TTBK2: variants seen among roughly 807,000 people sequenced by gnomAD.
The protein encoded by TTBK2 is tau tubulin kinase 2, also known as tau-tubulin kinase 2.
In TTBK2, 28 loss-of-function variants were observed where a neutral mutation model predicts 110.8. The ratio of observed to expected loss-of-function variants is 0.25; its 90% CI spans 0.19 to 0.35. The LOEUF (loss-of-function observed/expected upper bound fraction) is 0.35. Ranked by LOEUF, TTBK2 falls within the 10% of genes least tolerant of loss-of-function variation. TTBK2 has a pLI of 1.00. For synonymous variants in TTBK2, 532 were observed against 527.3 expected (o/e 1.01, Z -0.12); for missense variants, 1,369 against 1,500.3 (o/e 0.91, Z 1.45).
chr15:42,896,571 G>A (rs893992001), intron 1 of TTBK2, among the ~76,000 whole-genome samples: 2 of 152,080 alleles, frequency 1.3e-5, no homozygotes, highest in African/African-American at 2.4e-5. Flanking sequence ...ACTATCGCTG[G>A]AGGCCAGGAG....
intron 10 of TTBK2, among the ~76,000 whole-genome samples, chr15:42,792,868 T>G (rs913770399): frequency 6.6e-6 from 1 of 152,228 alleles, no homozygotes; most frequent in Non-Finnish European, 1.5e-5. Context: ...TTTGTTATTC[T>G]GTGTTATTTT....
At chr15:42,795,910 G>A (rs186545746) in intron 9 of TTBK2, among the ~76,000 whole-genome samples, 343 of 152,020 alleles carry the variant, frequency 2.3e-3, no homozygotes, top group Non-Finnish European at 3.7e-3. Context: ...AAACAGGGAT[G>A]GGAATGAGGG....
chr15:42,810,882 T>A, intron 8 of TTBK2, 143 bp from the exon 9 acceptor site: 1 of 924,778 alleles, frequency 1.1e-6, no homozygotes, highest in Non-Finnish European at 1.7e-6. Flanking sequence ...GAGCTCTTAC[T>A]AACAGCTTAA....
intron 3 of TTBK2, chr15:42,857,365 A>T (rs1024378170): frequency 2.6e-5 from 4 of 152,208 alleles, no homozygotes; most frequent in East Asian, 1.9e-4. Flanking sequence ...AAATTTTTTT[A>T]AAAAATTAGT....
In TTBK2 at chr15:42,740,330, C is replaced by G. The variant is rs1454425404; in HGVS notation, c.*5465G>C. The G allele has an allele frequency of 1.3e-5, 2 of 152,188 alleles. No homozygotes were observed. The highest frequency in any genetic ancestry group is 2.9e-5 in the Non-Finnish European group (2 of 68,042). The allele number at this position is 152,188 out of a possible 1,614,324, so 9.4% of individuals were successfully genotyped here. ...GATCCAGCAAAGTCTAAGGAAATAT[C>G]CTAATCATTACTGTGTAATGTTACT... On this transcript the variant is annotated 3_prime_UTR_variant, in exon 15 of 15. Transcript: ENST00000267890.
chr15:42,773,968 G>T (rs1323776670), intron 13 of TTBK2, among the ~76,000 whole-genome samples: 1 of 152,152 alleles, frequency 6.6e-6, no homozygotes, highest in Non-Finnish European at 1.5e-5. Flanking sequence ...TTTGTTTCCT[G>T]GCTAGATTCC....
chr15:42,919,684 G>T, intron 1 of TTBK2: 1 of 410,752 alleles, frequency 2.4e-6, no homozygotes, highest in Non-Finnish European at 3.3e-6. Context: ...CGATGAGAGA[G>T]AAGAGTTAAT....
Position 42,791,456 on chromosome 15 carries a change from A to C in TTBK2, c.980+3188T>G, listed in dbSNP as rs370655963. ...TTCAATTTGCATTACCTTCTCTCTA[A>C]CTCTTTTGAATTATCTCATTTTCAT... On this transcript the variant is annotated intron_variant, in intron 10 of 14. Coordinates refer to ENST00000267890, the MANE Select transcript of TTBK2 (RefSeq NM_173500.4). Among the ~76,000 whole-genome samples, 29 of 151,116 alleles carry C rather than the reference A, an allele frequency of 1.9e-4. No individual in the cohort carries two copies. The East Asian group carries it at 3.5e-3, about 18-fold the overall frequency.
Position 42,815,958 on chromosome 15 carries a change from A to AATATATATATATATATAT in TTBK2, c.603+1056_603+1073dup, listed in dbSNP as rs1555427628. ...TATATATATATATATTTAAAAAAAA[A>AATATATATATATATATAT]ATATATATATATATATATATTTGAG... On this transcript the variant is annotated intron_variant, in intron 7 of 14. Transcript: ENST00000267890. 3.0e-3 allele frequency among the ~76,000 whole-genome samples: 277 copies of AATATATATATATATATAT among 91,668 alleles called. 7 individuals carry two copies. Among genetic ancestry groups the AATATATATATATATATAT allele is most frequent in the African/African-American group, 4.5e-3 (73 of 16,134 alleles). 60.1% of individuals were successfully genotyped at this position (91,668 alleles called of 152,430 possible). A position where few individuals can be genotyped will look rare whatever the true frequency, so the allele number is the denominator to read the frequency against.
chr15:42,776,879 T>C (rs1413016833), intron 12 of TTBK2, 152 bp downstream of exon 12: 1 of 693,028 alleles, frequency 1.4e-6, no homozygotes, highest in Non-Finnish European at 2.4e-6. Flanking sequence ...TGGATGAAAA[T>C]TGGAGCTGAA....
In TTBK2 at chr15:42,867,248, A is replaced by C. The variant is rs188989683; in HGVS notation, c.217+5363T>G. ...GTGACAGAGGGAGACTCCGTCTCAAAAAAAAAAAAAAAGAAAAGAAAAGAA... is the reference window on the plus strand; with the variant it reads ...GTGACAGAGGGAGACTCCGTCTCAACAAAAAAAAAAAAGAAAAGAAAAGAA... On this transcript the variant is annotated intron_variant, in intron 3 of 14. Transcript: ENST00000267890. Among the ~76,000 whole-genome samples, 285 of 147,836 alleles carry C rather than the reference A, an allele frequency of 1.9e-3. 2 individuals carry two copies. The highest frequency in any genetic ancestry group is 7.1e-3 in the Middle Eastern group (2 of 280).
chr15:42,819,859 A>G (rs1417926525), intron 6 of TTBK2, among the ~76,000 whole-genome samples: 1 of 152,110 alleles, frequency 6.6e-6, no homozygotes, highest in Non-Finnish European at 1.5e-5. Flanking sequence ...CTAACATAGA[A>G]TTTTTTTGTG....
At chr15:42,756,275 C>A (rs2061945044) in intron 13 of TTBK2, among the ~76,000 whole-genome samples, 1 of 151,946 alleles carries the variant, frequency 6.6e-6, no homozygotes, top group Non-Finnish European at 1.5e-5. Context: ...TCAAAATGAA[C>A]ACAGCAGTGC....
At chr15:42,917,114 A>G (rs757699837) in intron 1 of TTBK2, among the ~76,000 whole-genome samples, 1 of 152,170 alleles carries the variant, frequency 6.6e-6, no homozygotes, top group Admixed American at 6.5e-5. Context: ...TTCAAAGGAC[A>G]CTTAAGTTTT....
At chr15:42,747,503 AC>A (rs2061810114) in intron 14 of TTBK2, among the ~76,000 whole-genome samples, 1 of 152,132 alleles carries the variant, frequency 6.6e-6, no homozygotes, top group Non-Finnish European at 1.5e-5. Flanking sequence ...AAAGTGTTCC[AC>A]CCCAGATCAT....
chr15:42,864,858 G>C (rs1427509047), intron 3 of TTBK2, among the ~76,000 whole-genome samples: 4 of 152,042 alleles, frequency 2.6e-5, no homozygotes, highest in African/African-American at 9.7e-5. Flanking sequence ...AGAGATAACA[G>C]TTTGCTCAAA....
At chr15:42,873,937 T>C (rs1894710102) in intron 2 of TTBK2, among the ~76,000 whole-genome samples, 2 of 152,210 alleles carry the variant, frequency 1.3e-5, no homozygotes, top group African/African-American at 4.8e-5. Context: ...CTTTCTCCAC[T>C]TGATCTTCAC....
intron 1 of TTBK2, among the ~76,000 whole-genome samples, chr15:42,898,237 T>C (rs1417133464): frequency 6.6e-6 from 1 of 151,954 alleles, no homozygotes; most frequent in East Asian, 1.9e-4. Context: ...CCATAACTGA[T>C]CCATGACCAG....
chr15:42,898,915 T>C (rs1224049077), intron 1 of TTBK2, among the ~76,000 whole-genome samples: 1 of 152,224 alleles, frequency 6.6e-6, no homozygotes, highest in South Asian at 2.1e-4. Context: ...AACTTGTATA[T>C]AACCATTAAA....
Sources: gnomAD v4.1 joint callset for allele counts (sites outside exome capture counted in the v4.1 genomes callset) on GRCh38, gnomAD v4.1.1 for gene constraint, MANE v1.5 for transcripts, NCBI Gene and HGNC (gene_info 2026-07-23, HGNC 2026-07-21) for gene names.